PCDHGA7: variants seen among roughly 807,000 people sequenced by gnomAD.
PCDHGA7 encodes protocadherin gamma-A7.
Under a neutral mutation model 58.3 loss-of-function variants are expected in PCDHGA7, and 44 were observed. That is an observed-to-expected ratio of 0.75 (90% CI 0.59 to 0.97). The LOEUF is 0.97. PCDHGA7 is among the 50% of genes least tolerant of loss of function. The probability of loss-of-function intolerance (pLI) is 0.00; values close to 1 mark genes in which losing one functional copy is unlikely to be tolerated. For synonymous variants in PCDHGA7, 516 were observed against 504.2 expected (o/e 1.02, Z -0.31); for missense variants, 1,266 against 1,188.7 (o/e 1.06, Z -0.96).
At chr5:141,468,995 T>G (rs533843461) in intron 1 of PCDHGA7, among the ~76,000 whole-genome samples, 1 of 147,628 alleles carries the variant, frequency 6.8e-6, no homozygotes, top group Non-Finnish European at 1.5e-5. Context: ...TTATTGTTTT[T>G]GCTGGGTGCG....
intron 1 of PCDHGA7, chr5:141,427,831 G>T: frequency 7.1e-6 from 11 of 1,539,366 alleles, no homozygotes; most frequent in Non-Finnish European, 9.8e-6. Context: ...GTCGCGCAGC[G>T]TGCCTTCGAC....
At chr5:141,403,211 G>A (rs1253134514) in intron 1 of PCDHGA7, 2 of 1,613,856 alleles carry the variant, frequency 1.2e-6, no homozygotes, top group Non-Finnish European at 1.7e-6. Flanking sequence ...CTTGGTCACC[G>A]CGGGTAGGAT....
intron 1 of PCDHGA7, among the ~76,000 whole-genome samples, chr5:141,402,117 A>G (rs1344939045): frequency 6.6e-6 from 1 of 152,172 alleles, no homozygotes; most frequent in Non-Finnish European, 1.5e-5. Context: ...AAATGTGAAA[A>G]TTTCCAACTT....
chr5:141,398,325 G>A, intron 1 of PCDHGA7: 9 of 1,355,732 alleles, frequency 6.6e-6, no homozygotes, highest in Non-Finnish European at 8.2e-6. Flanking sequence ...CTCGAAAACT[G>A]CGCGTCAGTT....
intron 1 of PCDHGA7, chr5:141,391,295 G>A (rs1373471979): frequency 6.6e-6 from 1 of 151,134 alleles, no homozygotes; most frequent in Non-Finnish European, 1.5e-5. Context: ...AGAAGGAAAC[G>A]TCTTTCGATT....
chr5:141,420,242 A>T (rs1241562871), intron 1 of PCDHGA7: 1 of 1,586,666 alleles, frequency 6.3e-7, no homozygotes, highest in Non-Finnish European at 8.6e-7. Context: ...TTTAACTCCC[A>T]GCGTTGAAGC....
intron 1 of PCDHGA7, among the ~76,000 whole-genome samples, chr5:141,447,339 A>T (rs767342137): frequency 6.6e-6 from 1 of 151,770 alleles, no homozygotes; most frequent in Non-Finnish European, 1.5e-5. Flanking sequence ...GGGTTTCATC[A>T]TATTGGTCAG....
chr5:141,403,925 G>A, intron 1 of PCDHGA7: 1 of 1,613,868 alleles, frequency 6.2e-7, no homozygotes, highest in South Asian at 1.1e-5. Flanking sequence ...TGAAGATGGT[G>A]GGGGATTGAA....
Position 141,432,604 on chromosome 5 carries a change from A to T in PCDHGA7, c.2424+47281A>T, listed in dbSNP as rs774164351. ...GTCTGCTCAAGGCCAGCGAGCCGGG[A>T]CTCTTCTCGGTGGGTCTGCACACGG... On this transcript the variant is annotated intron_variant, in intron 1 of 3. Coordinates refer to ENST00000518325, the MANE Select transcript of PCDHGA7 (RefSeq NM_018920.4). The surrounding 1 kb of genome is among the most constrained non-coding windows in gnomAD (Gnocchi z 6.0). 1.2e-6 allele frequency: 2 copies of T among 1,610,530 alleles called. No homozygotes were observed. The highest frequency in any genetic ancestry group is 1.7e-6 in the Non-Finnish European group (2 of 1,179,274).
rs1257609378 is a variant in PCDHGA7 at position 141,385,552 on chromosome 5, T to TA, written c.2424+229_2424+230insA. Reference sequence around the variant, plus strand: ...ATTATGAATATGTGGACTATCACATTTTATAATTTCCACCTACTTTCCAAT... The same window carrying TA: ...ATTATGAATATGTGGACTATCACATTATTATAATTTCCACCTACTTTCCAAT... On this transcript the variant is annotated intron_variant, in intron 1 of 3. Transcript: ENST00000518325. 1.1e-5 allele frequency: 14 copies of TA among 1,315,750 alleles called. No individual in the cohort carries two copies. The African/African-American group carries it at 2.1e-4, about 20-fold the overall frequency. The allele number at this position is 1,315,750 out of a possible 1,614,324, so 81.5% of individuals were successfully genotyped here. A position where few individuals can be genotyped will look rare whatever the true frequency, so the allele number is the denominator to read the frequency against.
intron 1 of PCDHGA7, among the ~76,000 whole-genome samples, chr5:141,437,781 A>G (rs957126405): frequency 7.3e-5 from 11 of 149,878 alleles, no homozygotes; most frequent in Admixed American, 6.7e-5. Flanking sequence ...ATCTGTCGCC[A>G]AGCTGGAGTG....
At position 141,449,274 on chromosome 5, in the gene PCDHGA7, T is replaced by C. The variant is rs569352843; in HGVS notation, c.2425-45533T>C. 3.9e-5 allele frequency among the ~76,000 whole-genome samples: 6 copies of C among 152,260 alleles called. No individual in the cohort carries two copies. In the East Asian group the frequency reaches 1.2e-3, roughly 29 times the overall value. On this transcript the variant is annotated intron_variant, in intron 1 of 3. Transcript: ENST00000518325. ...GAATTGTACAAAGAACTGTATCTCC[T>C]TCACCCGGATGCACCGGGTGAATTA...
chr5:141,438,983 T>C (rs1296267457), intron 1 of PCDHGA7, among the ~76,000 whole-genome samples: 1 of 151,930 alleles, frequency 6.6e-6, no homozygotes, highest in Non-Finnish European at 1.5e-5. Context: ...TGACTTATCT[T>C]AAAAGGCTAA....
intron 1 of PCDHGA7, among the ~76,000 whole-genome samples, chr5:141,429,880 G>A (rs1209368869): frequency 6.6e-6 from 1 of 152,104 alleles, no homozygotes; most frequent in Non-Finnish European, 1.5e-5. Context: ...CTTTTACTAA[G>A]TTTCCTGAAC....
In PCDHGA7 at chr5:141,489,189, C is replaced by A; in HGVS notation, c.2425-5618C>A. 1 of 1,341,534 alleles carries A rather than the reference C, an allele frequency of 7.5e-7. No homozygotes were observed. The highest frequency in any genetic ancestry group is 1.0e-6 in the Non-Finnish European group (1 of 975,280). 83.1% of individuals were successfully genotyped at this position (1,341,534 alleles called of 1,614,324 possible). A position where few individuals can be genotyped will look rare whatever the true frequency, so the allele number is the denominator to read the frequency against. On this transcript the variant is annotated intron_variant, in intron 1 of 3. Transcript: ENST00000518325. This position sits in a 1 kb window ranked among gnomAD's most constrained non-coding sequence, Gnocchi z 4.5. ...TGCTGCATTCCAAGCCCTGGGTCTA[C>A]CTTGGAGACAGGACAGCACAGACTT...
chr5:141,455,753 G>T (rs2098830630), intron 1 of PCDHGA7, among the ~76,000 whole-genome samples: 1 of 152,074 alleles, frequency 6.6e-6, no homozygotes, highest in Non-Finnish European at 1.5e-5. Flanking sequence ...TGCTGGCCTG[G>T]CTCCTAGAGC....
At chr5:141,441,730 A>ATGGT in intron 1 of PCDHGA7, 1 of 362,748 alleles carries the variant, frequency 2.8e-6, no homozygotes, top group South Asian at 2.2e-5. Flanking sequence ...CGCGACCAGG[A>ATGGT]CTAGCTCGCG....
Position 141,490,885 on chromosome 5 carries a change from T to C in PCDHGA7, c.2425-3922T>C, listed in dbSNP as rs1317781676. The stretch of plus-strand genomic sequence containing the variant: ...CTCTCCCCCATTGCATGCCAACACA[T>C]CTCTGCATGTGTTTGTCCTAGACGA... On this transcript the variant is annotated intron_variant, in intron 1 of 3. Coordinates refer to ENST00000518325, the MANE Select transcript of PCDHGA7 (RefSeq NM_018920.4). This position sits in a 1 kb window ranked among gnomAD's most constrained non-coding sequence, Gnocchi z 5.4. The C allele has an allele frequency of 6.2e-7, 1 of 1,613,872 alleles. No individual in the cohort carries two copies. Among genetic ancestry groups the C allele is most frequent in the Non-Finnish European group, 8.5e-7 (1 of 1,179,904 alleles).
intron 1 of PCDHGA7, chr5:141,433,358 CCTATCTATCTATCTAT>C (rs3074541): frequency 2.0e-4 from 99 of 504,042 alleles, no homozygotes; most frequent in East Asian, 3.1e-4. Flanking sequence ...CTACTGTCTG[CCTATCTATCTATCTAT>C]CTATCTATCT....
Sources: gnomAD v4.1 joint callset for allele counts (sites outside exome capture counted in the v4.1 genomes callset) on GRCh38, gnomAD v4.1.1 for gene constraint, Gnocchi (gnomAD v3.1) non-coding constraint, MANE v1.5 for transcripts, NCBI Gene and HGNC (gene_info 2026-07-23, HGNC 2026-07-21) for gene names.